The following MAST4 variants were observed in gnomAD, a reference collection of about 807,000 sequenced individuals.
The protein encoded by MAST4 is microtubule-associated serine/threonine-protein kinase 4.
A neutral mutation model predicts 162.7 loss-of-function variants in MAST4; 89 were observed. The observed-to-expected ratio is 0.55, with a 90% CI of 0.46 to 0.65. The LOEUF (loss-of-function observed/expected upper bound fraction) is 0.65, where lower values mean the gene tolerates loss of function less well. Among genes scored for constraint, MAST4 ranks in the 30% least tolerant of loss-of-function variants. MAST4 has a pLI of 0.00. For synonymous variants in MAST4, 1,479 were observed against 1,361.1 expected (o/e 1.09, Z -1.91); for missense variants, 3,153 against 3,374.0 (o/e 0.93, Z 1.62).
intron 4 of MAST4, among the ~76,000 whole-genome samples, chr5:66,972,887 C>A (rs562146932): frequency 2.6e-5 from 4 of 152,300 alleles, no homozygotes; most frequent in African/African-American, 9.6e-5. Flanking sequence ...TTGAGCACTT[C>A]AAGCATGTTC....
rs75357544 is a variant in MAST4, at chr5:66,930,964, T to C, written c.674+30982T>C. The C allele has an allele frequency of 2.1e-3, 544 of 258,646 alleles. 2 individuals are homozygous for C. The highest frequency in any genetic ancestry group is 0.011 in the African/African-American group (505 of 44,922). The allele number at this position is 258,646 out of a possible 1,614,324, so 16.0% of individuals were successfully genotyped here. On this transcript the variant is annotated intron_variant, in intron 4 of 28. Transcript: ENST00000403625. ...AATAAAGGTTTTTGTAAAGCTTCTT[T>C]ATCTGTCTTGAATTATTCATGTTTC...
At chr5:67,146,285 T>C (rs1242475689) in intron 23 of MAST4, among the ~76,000 whole-genome samples, 1 of 152,250 alleles carries the variant, frequency 6.6e-6, no homozygotes, top group Non-Finnish European at 1.5e-5. Context: ...TAATATATCA[T>C]GGATACTTGC....
At chr5:66,671,090 G>C (rs1190299866) in intron 1 of MAST4, among the ~76,000 whole-genome samples, 4 of 152,020 alleles carry the variant, frequency 2.6e-5, no homozygotes, top group African/African-American at 9.7e-5. Context: ...TTGTTCACTT[G>C]ATCTGTTATA....
At chr5:66,635,247 T>C (rs1745036924) in intron 1 of MAST4, among the ~76,000 whole-genome samples, 1 of 151,958 alleles carries the variant, frequency 6.6e-6, no homozygotes, top group Non-Finnish European at 1.5e-5. Context: ...GAAAGAGCTC[T>C]GGGAAGTTTC....
intron 3 of MAST4, among the ~76,000 whole-genome samples, chr5:66,879,095 T>C (rs1761501871): frequency 6.6e-6 from 1 of 152,056 alleles, no homozygotes; most frequent in Non-Finnish European, 1.5e-5. Flanking sequence ...CTGGCCAACA[T>C]GGTGAAACCC....
intron 4 of MAST4, among the ~76,000 whole-genome samples, chr5:67,004,435 A>T (rs1217559336): frequency 2.0e-5 from 3 of 152,142 alleles, no homozygotes; most frequent in Non-Finnish European, 4.4e-5. Context: ...TTTTTTCAGG[A>T]GGGGAGGGCA....
chr5:66,959,092 A>T, intron 4 of MAST4: 2 of 645,234 alleles, frequency 3.1e-6, no homozygotes, highest in Non-Finnish European at 5.7e-6. Context: ...TTACGGCTAG[A>T]GGTGGAAGGA....
At chr5:66,608,047 C>T (rs928758931) in intron 1 of MAST4, among the ~76,000 whole-genome samples, 5 of 149,740 alleles carry the variant, frequency 3.3e-5, no homozygotes, top group African/African-American at 1.2e-4. Flanking sequence ...CATCACCTCA[C>T]ATGCTTACTT....
chr5:67,014,312 G>A (rs186850690), intron 4 of MAST4, among the ~76,000 whole-genome samples: 4 of 152,306 alleles, frequency 2.6e-5, no homozygotes, highest in Admixed American at 6.5e-5. Flanking sequence ...TTTTAAGTTC[G>A]CATTTCCATA....
chr5:67,137,771 A>T (rs1338483448), intron 19 of MAST4, among the ~76,000 whole-genome samples: 1 of 152,140 alleles, frequency 6.6e-6, no homozygotes, highest in African/African-American at 2.4e-5. Context: ...TTACTGAAAC[A>T]CCTCCATGTC....
intron 4 of MAST4, among the ~76,000 whole-genome samples, chr5:66,980,916 C>T (rs866283464): frequency 6.6e-6 from 1 of 152,126 alleles, no homozygotes; most frequent in African/African-American, 2.4e-5. Flanking sequence ...TGAGGACTGG[C>T]AGTAACAAGT....
rs535756286 is a variant in MAST4 at position 67,045,288 on chromosome 5, T to C, written c.675-9116T>C. 7.9e-5 allele frequency among the ~76,000 whole-genome samples: 12 copies of C among 152,326 alleles called. No homozygotes were observed. The East Asian group carries it at 1.7e-3, about 22-fold the overall frequency. On this transcript the variant is annotated intron_variant, in intron 4 of 28. Transcript: ENST00000403625. Reference sequence around the variant, plus strand: ...AAGCTTCGTGTACAATTCGAAGTTATGTTGTGACCACCAAGTGATACTGTG... The same window carrying C: ...AAGCTTCGTGTACAATTCGAAGTTACGTTGTGACCACCAAGTGATACTGTG...
chr5:66,771,471 C>A (rs1047991801), intron 2 of MAST4, among the ~76,000 whole-genome samples: 6 of 152,182 alleles, frequency 3.9e-5, no homozygotes, highest in African/African-American at 1.4e-4. Context: ...CAGGCATAAG[C>A]CACTGTGCCT....
At chr5:66,995,132 T>A (rs1750484423) in intron 4 of MAST4, among the ~76,000 whole-genome samples, 1 of 149,284 alleles carries the variant, frequency 6.7e-6, no homozygotes, top group African/African-American at 2.4e-5. Flanking sequence ...TTCATTTTTA[T>A]ATTATAGAAT....
chr5:67,055,135 A>T (rs1480904056), intron 5 of MAST4, among the ~76,000 whole-genome samples: 2 of 152,188 alleles, frequency 1.3e-5, no homozygotes, highest in African/African-American at 4.8e-5. Flanking sequence ...ATGAGCAAGA[A>T]TTTGTTGGCT....
At chr5:66,874,480 C>T (rs1398645477) in intron 3 of MAST4, among the ~76,000 whole-genome samples, 2 of 152,096 alleles carry the variant, frequency 1.3e-5, no homozygotes, top group Admixed American at 6.5e-5. Flanking sequence ...CTTTGCTGAT[C>T]CAGAATAAAC....
chr5:66,913,800 G>A (rs1209088770), intron 4 of MAST4, among the ~76,000 whole-genome samples: 1 of 152,176 alleles, frequency 6.6e-6, no homozygotes, highest in African/African-American at 2.4e-5. Flanking sequence ...ATTAATGTTA[G>A]TTGATTTTTA....
chr5:67,098,340 C>T (rs1055620401), intron 7 of MAST4, among the ~76,000 whole-genome samples: 2 of 152,112 alleles, frequency 1.3e-5, no homozygotes, highest in East Asian at 3.8e-4. Context: ...TTTCTTGAAA[C>T]ATCACAGTTT....
chr5:66,622,615 G>A (rs1218618412), intron 1 of MAST4, among the ~76,000 whole-genome samples: 1 of 152,120 alleles, frequency 6.6e-6, no homozygotes, highest in Non-Finnish European at 1.5e-5. Context: ...GGTGCTTGGA[G>A]CAGGTTGACA....
Sources: gnomAD v4.1 joint callset for allele counts (sites outside exome capture counted in the v4.1 genomes callset) on GRCh38, gnomAD v4.1.1 for gene constraint, MANE v1.5 for transcripts, NCBI Gene and HGNC (gene_info 2026-07-23, HGNC 2026-07-21) for gene names.